The following RITA1 variants were observed in gnomAD, a reference collection of about 807,000 sequenced individuals.
RITA1 encodes RBPJ interacting and tubulin associated 1.
In RITA1, 15 loss-of-function variants were observed where a neutral mutation model predicts 8.7. The ratio of observed to expected loss-of-function variants is 1.72; its 90% CI spans 1.15 to 2.65. The LOEUF is 2.65. RITA1 is among the 30% of genes most tolerant of loss of function. RITA1 has a pLI of 0.00. For synonymous variants in RITA1, 145 were observed against 156.2 expected (o/e 0.93, Z 0.53); for missense variants, 330 against 363.8 (o/e 0.91, Z 0.76).
In RITA1 at chr12:113,186,722, G is replaced by C. The variant is rs778146162; in HGVS notation, c.-25G>C. The C allele has an allele frequency of 5.0e-6, 8 of 1,608,912 alleles. No individual in the cohort carries two copies. In the South Asian group the frequency reaches 8.8e-5, roughly 18 times the overall value. On this transcript the variant is annotated 5_prime_UTR_variant, in exon 3 of 4. Transcript: ENST00000548278. ...AGGGCCTGGCCGGCAGAGCACACCT[G>C]CTGTCACCAGGGACCACAGGCAGCA...
rs374635864 is a variant in RITA1, at chr12:113,191,266, G to A, written c.303-44G>A. On this transcript the variant is annotated intron_variant, in intron 3 of 3. Coordinates refer to ENST00000548278, the MANE Select transcript of RITA1 (RefSeq NM_032848.3). The surrounding 1 kb of genome is among the most constrained non-coding windows in gnomAD (Gnocchi z 4.0). ...GGGAGAGCTGTTAAAGTTTTGAGGG[G>A]TTGTTCATCCCCCAGCTCATGGCGT... 16 of 1,490,664 alleles carry A rather than the reference G, an allele frequency of 1.1e-5. No individual in the cohort carries two copies. In the African/African-American group the frequency reaches 2.1e-4, roughly 20 times the overall value. The allele number at this position is 1,490,664 out of a possible 1,614,324, so 92.3% of individuals were successfully genotyped here.
intron 3 of RITA1, among the ~76,000 whole-genome samples, chr12:113,190,421 G>A (rs1318850483): frequency 1.3e-5 from 2 of 152,056 alleles, no homozygotes; most frequent in Non-Finnish European, 2.9e-5. Context: ...TAAGGCAGGG[G>A]GCTGCTTGAG....
chr12:113,191,768 C>A lies in RITA1; in HGVS notation c.761C>A (p.Thr254Asn), dbSNP rs760735136. The A allele has an allele frequency of 6.2e-7, 1 of 1,612,732 alleles. No homozygotes were observed. Among genetic ancestry groups the A allele is most frequent in the Non-Finnish European group, 8.5e-7 (1 of 1,179,366 alleles). The change falls in exon 4 of 4, where the codon ACC becomes AAC. Residue 254 changes from threonine to asparagine, a missense_variant. Physicochemically the swap from Thr to Asn is moderately conservative, Grantham distance 65. Coordinates refer to ENST00000548278, the MANE Select transcript of RITA1 (RefSeq NM_032848.3). The surrounding 1 kb of genome is among the most constrained non-coding windows in gnomAD (Gnocchi z 4.0). ...ARSVSISVPS[T>N]PRRGGATQKP... is the part of the protein sequence containing the mutation. ...TCAGTTAGCATTTCAGTGCCATCTA[C>A]CCCACGACGAGGTGGGGCCACCCAG...
At chr12:113,188,787 CTTT>C (rs760372956) in intron 3 of RITA1, among the ~76,000 whole-genome samples, 1 of 73,202 alleles carries the variant, frequency 1.4e-5, no homozygotes, top group Non-Finnish European at 2.6e-5. Flanking sequence ...CCTTAGTTAC[CTTT>C]TTTTTTTTTT....
intron 3 of RITA1, 121 bp downstream of exon 3, chr12:113,187,169 T>C: frequency 9.4e-7 from 1 of 1,060,674 alleles, no homozygotes; most frequent in Non-Finnish European, 1.3e-6. Context: ...TGAGCCAGTT[T>C]ACTCATGTGG....
At chr12:113,186,541 T>C in intron 2 of RITA1, 142 bp from the exon 3 acceptor site, 1 of 1,374,286 alleles carries the variant, frequency 7.3e-7, no homozygotes, top group Non-Finnish European at 9.4e-7. Flanking sequence ...ATTTCCAAAA[T>C]GCCCCCTGAA....
chr12:113,186,595 C>A, intron 2 of RITA1, 88 bp from the exon 3 acceptor site: 3 of 1,442,564 alleles, frequency 2.1e-6, no homozygotes, highest in Non-Finnish European at 2.7e-6. Context: ...GAGAACTAAA[C>A]CCTTGGGATG....
intron 3 of RITA1, 117 bp downstream of exon 3, chr12:113,187,165 A>G: frequency 9.0e-7 from 1 of 1,106,736 alleles, no homozygotes; most frequent in Non-Finnish European, 1.3e-6. Context: ...TCTCTGAGCC[A>G]GTTTACTCAT....
chr12:113,192,343 C>T lies in RITA1; in HGVS notation c.*526C>T, dbSNP rs1015123822. 1 of 154,458 alleles carries T rather than the reference C, an allele frequency of 6.5e-6. No homozygotes were observed. Among genetic ancestry groups the T allele is most frequent in the African/African-American group, 2.4e-5 (1 of 41,452 alleles). 9.6% of individuals were successfully genotyped at this position (154,458 alleles called of 1,614,324 possible). On this transcript the variant is annotated 3_prime_UTR_variant, in exon 4 of 4. Coordinates refer to ENST00000548278, the MANE Select transcript of RITA1 (RefSeq NM_032848.3). ...ATGCTTCTGAATTTATTTTCATGTA[C>T]TAAATAGATCAGCTCATCAAAGCCA...
At position 113,185,802 on chromosome 12, in the gene RITA1, C is replaced by T. The variant is rs1475946881; in HGVS notation, c.-416C>T. Reference sequence around the variant, plus strand: ...GGATTCGCGGGCCGTTCACACGTAGCCTGTGCCGGCTCCTCGGGTGAGTCC... The same window carrying T: ...GGATTCGCGGGCCGTTCACACGTAGTCTGTGCCGGCTCCTCGGGTGAGTCC... On this transcript the variant is annotated 5_prime_UTR_variant, in exon 1 of 4. Coordinates refer to ENST00000548278, the MANE Select transcript of RITA1 (RefSeq NM_032848.3). 1.1e-5 allele frequency: 7 copies of T among 640,950 alleles called. No individual in the cohort carries two copies. In the East Asian group the frequency reaches 1.9e-4, roughly 18 times the overall value. 39.7% of individuals were successfully genotyped at this position (640,950 alleles called of 1,614,324 possible). A position where few individuals can be genotyped will look rare whatever the true frequency, so the allele number is the denominator to read the frequency against.
In RITA1 at chr12:113,186,835, G is replaced by T. The variant is rs768749337; in HGVS notation, c.89G>T (p.Arg30Met). The change falls in exon 3 of 4, where the codon AGG (arginine) becomes ATG (methionine). Residue 30 changes from arginine (R) to methionine (M), a missense_variant. Physicochemically the swap from Arg to Met is moderately conservative, Grantham distance 91. Coordinates refer to ENST00000548278, the MANE Select transcript of RITA1 (RefSeq NM_032848.3). ...CGAGGTGGCTACCGGGTCAAGGCCA[G>T]GACGTCATATGTGGATGAGACTCTG... ...RCRGGYRVKARTSYVDETLFG... is the reference protein window; with the variant it reads ...RCRGGYRVKAMTSYVDETLFG... 1.2e-6 allele frequency: 2 copies of T among 1,614,022 alleles called. No individual in the cohort carries two copies. The highest frequency in any genetic ancestry group is 1.7e-6 in the Non-Finnish European group (2 of 1,180,004).
intron 2 of RITA1, 72 bp downstream of exon 2, chr12:113,186,388 C>T: frequency 7.3e-7 from 1 of 1,369,940 alleles, no homozygotes; most frequent in Non-Finnish European, 9.4e-7. Flanking sequence ...TGCCTGTCTC[C>T]CCTACCACCA....
intron 3 of RITA1, among the ~76,000 whole-genome samples, chr12:113,190,088 G>T (rs1425001667): frequency 6.7e-6 from 1 of 149,988 alleles, no homozygotes; most frequent in Non-Finnish European, 1.5e-5. Context: ...CCAGCACTTT[G>T]GGAGGCCGAG....
Position 113,191,313 on chromosome 12 carries a change from C to G in RITA1, c.306C>G (p.Pro102=), listed in dbSNP as rs756366211. Residue 102 remains proline, a synonymous_variant, in exon 4 of 4, where the codon CCC becomes CCG. Coordinates refer to ENST00000548278, the MANE Select transcript of RITA1 (RefSeq NM_032848.3). The surrounding 1 kb of genome is among the most constrained non-coding windows in gnomAD (Gnocchi z 4.0). The stretch of plus-strand genomic sequence containing the variant: ...GCGTTTATCTTCCATTTGCCAGACC[C>G]ATCAGCCACACCCCGTCTTACTGTG... The part of the protein sequence containing the change: ...LTPRKKNKYR[P]ISHTPSYCDE... 6.6e-7 allele frequency: 1 copy of G among 1,517,152 alleles called. No individual in the cohort carries two copies. Among genetic ancestry groups the G allele is most frequent in the Non-Finnish European group, 8.8e-7 (1 of 1,131,046 alleles). The allele number at this position is 1,517,152 out of a possible 1,614,324, so 94.0% of individuals were successfully genotyped here. A position where few individuals can be genotyped will look rare whatever the true frequency, so the allele number is the denominator to read the frequency against.
intron 3 of RITA1, 66 bp downstream of exon 3, chr12:113,187,114 G>T: frequency 1.4e-6 from 2 of 1,444,918 alleles, no homozygotes; most frequent in South Asian, 1.4e-5. Context: ...TTACAGCTCT[G>T]GTGTTCACCT....
chr12:113,186,115 G>T, intron 1 of RITA1, 70 bp from the exon 2 acceptor site: 1 of 1,514,626 alleles, frequency 6.6e-7, no homozygotes, highest in South Asian at 1.2e-5. Flanking sequence ...TGGGGGCGGC[G>T]GTGATCTCCC....
chr12:113,186,264 A>T lies in RITA1; in HGVS notation c.-117A>T, dbSNP rs185094454. 1.4e-5 allele frequency: 20 copies of T among 1,403,140 alleles called. No individual in the cohort carries two copies. Among genetic ancestry groups the T allele is most frequent in the Non-Finnish European group, 1.8e-5 (19 of 1,075,722 alleles). 86.9% of individuals were successfully genotyped at this position (1,403,140 alleles called of 1,614,324 possible). ...ATGGACAAATTCGAAGCTACTTCACAGTGCTGTTGAGAGGATTAAATGAAA... is the reference window on the plus strand; with the variant it reads ...ATGGACAAATTCGAAGCTACTTCACTGTGCTGTTGAGAGGATTAAATGAAA... On this transcript the variant is annotated 5_prime_UTR_variant, in exon 2 of 4. Transcript: ENST00000548278.
rs1190936139 is a variant in RITA1, at chr12:113,191,853, G to A, written c.*36G>A. 3.2e-5 allele frequency: 50 copies of A among 1,558,252 alleles called. No individual in the cohort carries two copies. Among genetic ancestry groups the A allele is most frequent in the Non-Finnish European group, 3.7e-5 (43 of 1,150,882 alleles). On this transcript the variant is annotated 3_prime_UTR_variant, in exon 4 of 4. Transcript: ENST00000548278. The surrounding 1 kb of genome is among the most constrained non-coding windows in gnomAD (Gnocchi z 4.0). ...TCAGGGTTGCCTATGGGGCCACGGC[G>A]ACAGGTATGGCCCCTTGCCAGGGTA...
At chr12:113,189,919 C>G (rs1432886915) in intron 3 of RITA1, among the ~76,000 whole-genome samples, 1 of 151,382 alleles carries the variant, frequency 6.6e-6, no homozygotes, top group Non-Finnish European at 1.5e-5. Flanking sequence ...TACCTGTAGT[C>G]CCAGCTACTC....
Sources: gnomAD v4.1 joint callset for allele counts (sites outside exome capture counted in the v4.1 genomes callset) on GRCh38, gnomAD v4.1.1 for gene constraint, Gnocchi (gnomAD v3.1) non-coding constraint, MANE v1.5 for transcripts, NCBI Gene and HGNC (gene_info 2026-07-23, HGNC 2026-07-21) for gene names.